Variants in NLGN1 observed in about 807,000 individuals in gnomAD.
The protein encoded by NLGN1 is neuroligin-1.
In NLGN1, 12 loss-of-function variants were observed where a neutral mutation model predicts 65.5. The ratio of observed to expected loss-of-function variants is 0.18; its 90% CI spans 0.12 to 0.30. NLGN1 has a LOEUF of 0.30. NLGN1 is among the 10% of genes least tolerant of loss of function. The pLI, the probability that NLGN1 is intolerant of heterozygous loss-of-function variation, is 1.00. For missense variants in NLGN1, 750 were observed against 1,007.1 expected, an observed-to-expected ratio of 0.74 and a Z score of 3.46; for synonymous variants, 350 against 359.5, an observed-to-expected ratio of 0.97 and a Z score of 0.30.
chr3:173,523,638 C>A (rs58371441), intron 2 of NLGN1, among the ~76,000 whole-genome samples: 1 of 151,458 alleles, frequency 6.6e-6, no homozygotes, highest in African/African-American at 2.4e-5. Flanking sequence ...ACCAATACCA[C>A]GCTGTTTTAG....
intron 4 of NLGN1, among the ~76,000 whole-genome samples, chr3:173,982,292 A>C (rs770584919): frequency 7.9e-5 from 12 of 152,148 alleles, no homozygotes; most frequent in Non-Finnish European, 1.6e-4. Flanking sequence ...GAAACATACC[A>C]GGAAGCTTTA....
At chr3:173,399,133 TAA>T (rs1717183216) in intron 1 of NLGN1, among the ~76,000 whole-genome samples, 1 of 152,238 alleles carries the variant, frequency 6.6e-6, no homozygotes, top group Non-Finnish European at 1.5e-5. Flanking sequence ...AGAATGAATC[TAA>T]GTCTACTTGC....
chr3:173,787,077 C>A (rs1328001201), intron 3 of NLGN1, among the ~76,000 whole-genome samples: 4 of 143,280 alleles, frequency 2.8e-5, no homozygotes, highest in African/African-American at 5.1e-5. Context: ...AACTCCGTCT[C>A]AAAAAAAAAA....
intron 2 of NLGN1, among the ~76,000 whole-genome samples, chr3:173,549,499 G>C (rs1013869508): frequency 2.0e-5 from 3 of 151,848 alleles, no homozygotes; most frequent in Non-Finnish European, 4.4e-5. Flanking sequence ...TATAGTTTCA[G>C]TGTTACCATG....
intron 4 of NLGN1, among the ~76,000 whole-genome samples, chr3:173,988,844 C>A (rs927671303): frequency 6.6e-6 from 1 of 152,060 alleles, no homozygotes; most frequent in Non-Finnish European, 1.5e-5. Context: ...TACCACTACT[C>A]TCTCCTAAAC....
chr3:173,901,149 A>G (rs1286229853), intron 4 of NLGN1, among the ~76,000 whole-genome samples: 1 of 151,934 alleles, frequency 6.6e-6, no homozygotes, highest in Non-Finnish European at 1.5e-5. Flanking sequence ...TCACCTTCCA[A>G]AAAAATCCCT....
At chr3:173,569,454 A>G (rs923987605) in intron 2 of NLGN1, among the ~76,000 whole-genome samples, 1 of 151,992 alleles carries the variant, frequency 6.6e-6, no homozygotes, top group Admixed American at 6.5e-5. Flanking sequence ...TTACTATATT[A>G]TAGACATATT....
intron 4 of NLGN1, among the ~76,000 whole-genome samples, chr3:174,096,533 C>T (rs377560032): frequency 6.6e-6 from 1 of 151,950 alleles, no homozygotes; most frequent in African/African-American, 2.4e-5. Flanking sequence ...GATAGAAGGT[C>T]GGTTTGAAAA....
At position 173,716,867 on chromosome 3, in the gene NLGN1, G is replaced by A. The variant is rs1402907367; in HGVS notation, c.494-90813G>A. Among the ~76,000 whole-genome samples, 5 of 151,964 alleles carry A rather than the reference G, an allele frequency of 3.3e-5. No homozygotes were observed. The East Asian group carries it at 7.7e-4, about 23-fold the overall frequency. ...TGTCGTGTATCTTGATGAAGATATC[G>A]TAGCAACTGAAACACGTTGAATGCA... On this transcript the variant is annotated intron_variant, in intron 3 of 6. Transcript: ENST00000457714.
At chr3:173,833,464 T>G (rs985716409) in intron 4 of NLGN1, among the ~76,000 whole-genome samples, 2 of 152,178 alleles carry the variant, frequency 1.3e-5, no homozygotes, top group Non-Finnish European at 2.9e-5. Flanking sequence ...TAGTTTTTTT[T>G]GTCCTTTGTC....
At chr3:173,820,192 A>C (rs12696346) in intron 4 of NLGN1, among the ~76,000 whole-genome samples, 97,555 of 145,502 alleles carry the variant, frequency 0.67, 33,496 homozygotes, top group Non-Finnish European at 0.73. Context: ...AAAAAAAAAA[A>C]AAAAAAAAAA....
intron 4 of NLGN1, among the ~76,000 whole-genome samples, chr3:173,979,711 T>G (rs116785577): frequency 0.02 from 3,050 of 152,242 alleles, 97 homozygotes; most frequent in African/African-American, 0.07. Context: ...GGTTACTGGA[T>G]GGATACATTA....
At position 174,051,001 on chromosome 3, in the gene NLGN1, G is replaced by T. The variant is rs577451307; in HGVS notation, c.647-224314G>T. Among the ~76,000 whole-genome samples the T allele has an allele frequency of 2.3e-4, 35 of 152,112 alleles. 1 individual carries two copies. The South Asian group carries it at 7.1e-3, about 31-fold the overall frequency. ...TTTGGAATTATACAATCAGCAAAGG[G>T]ATGTCCTCACCAGTACTTCTAAGAG... On this transcript the variant is annotated intron_variant, in intron 4 of 6. Coordinates refer to ENST00000457714, the Ensembl canonical transcript of NLGN1.
At chr3:174,004,652 C>T (rs748150889) in intron 4 of NLGN1, among the ~76,000 whole-genome samples, 1 of 152,008 alleles carries the variant, frequency 6.6e-6, no homozygotes, top group African/African-American at 2.4e-5. Context: ...TGGTTATTTT[C>T]TGAATGCAAA....
At chr3:173,485,204 A>G (rs1372964326) in intron 2 of NLGN1, among the ~76,000 whole-genome samples, 1 of 151,854 alleles carries the variant, frequency 6.6e-6, no homozygotes, top group Non-Finnish European at 1.5e-5. Context: ...AGCCTGGGAA[A>G]GACCCGCCCC....
intron 4 of NLGN1, among the ~76,000 whole-genome samples, chr3:174,068,808 G>T (rs1739217389): frequency 6.6e-6 from 1 of 152,044 alleles, no homozygotes; most frequent in Non-Finnish European, 1.5e-5. Flanking sequence ...AAGATAATAG[G>T]TGAGGTCAAA....
intron 3 of NLGN1, among the ~76,000 whole-genome samples, chr3:173,783,604 T>C (rs886119006): frequency 5.9e-5 from 9 of 152,278 alleles, no homozygotes; most frequent in Middle Eastern, 3.4e-3. Context: ...TGTCATAATG[T>C]TTTTCATTCA....
intron 4 of NLGN1, among the ~76,000 whole-genome samples, chr3:173,920,063 A>G (rs950850864): frequency 2.0e-5 from 3 of 152,082 alleles, no homozygotes; most frequent in East Asian, 1.9e-4. Context: ...TTGAGAAAAA[A>G]GGAGCAAACC....
Position 174,052,226 on chromosome 3 carries a change from G to A in NLGN1, c.647-223089G>A, listed in dbSNP as rs1009340179. Among the ~76,000 whole-genome samples, 5 of 152,174 alleles carry A rather than the reference G, an allele frequency of 3.3e-5. No individual in the cohort carries two copies. In the South Asian group the frequency reaches 1.0e-3, roughly 32 times the overall value. On this transcript the variant is annotated intron_variant, in intron 4 of 6. Transcript: ENST00000457714. ...CAATCTGGGGGGAAAGGCAGGGCAT[G>A]TGTTGTGTAGGGGAAAACTCAATGC...
Sources: allele counts gnomAD v4.1 joint callset (sites outside exome capture counted in the v4.1 genomes callset), GRCh38; gene constraint gnomAD v4.1.1; transcripts MANE v1.5; gene names NCBI Gene and HGNC (gene_info 2026-07-23, HGNC 2026-07-21).